Variants in CEP41 observed in about 807,000 individuals in gnomAD.
The protein encoded by CEP41 is centrosomal protein of 41 kDa.
A neutral mutation model predicts 44.3 loss-of-function variants in CEP41; 32 were observed. The observed-to-expected ratio is 0.72, with a 90% CI of 0.54 to 0.97. CEP41 has a LOEUF of 0.97. CEP41 is among the 50% of genes least tolerant of loss of function. CEP41 has a pLI of 0.00. For synonymous variants in CEP41, 151 were observed against 168.5 expected (o/e 0.90, Z 0.80); for missense variants, 432 against 455.2 (o/e 0.95, Z 0.46).
intron 1 of CEP41, among the ~76,000 whole-genome samples, chr7:130,428,840 G>C (rs1797741364): frequency 6.6e-6 from 1 of 151,720 alleles, no homozygotes; most frequent in Admixed American, 6.6e-5. Flanking sequence ...GACCCCAGGA[G>C]GCGGAGGTTG....
Position 130,416,909 on chromosome 7 carries a change from T to C in CEP41, c.145+10A>G. The C allele has an allele frequency of 6.3e-7, 1 of 1,578,882 alleles. No homozygotes were observed. ...TTCCACTCTCCCAAACCATCAAGAG[T>C]GTTACTTACTTTTCTTAATCTCTTC... is the stretch of plus-strand genomic sequence containing the variant. On this transcript the variant is annotated intron_variant, in intron 3 of 10. Transcript: ENST00000223208.
chr7:130,429,551 A>G (rs1425881442), intron 1 of CEP41, among the ~76,000 whole-genome samples: 8 of 152,180 alleles, frequency 5.3e-5, no homozygotes, highest in African/African-American at 1.9e-4. Context: ...TGGAACATGA[A>G]ATTACTGCAA....
At chr7:130,420,179 A>C in intron 2 of CEP41, 4 of 463,134 alleles carry the variant, frequency 8.6e-6, no homozygotes, top group Non-Finnish European at 1.1e-5. Flanking sequence ...CATACACAAA[A>C]ACTAGCCAGG....
At chr7:130,399,887 G>T in intron 10 of CEP41, 152 bp downstream of exon 10, 1 of 703,586 alleles carries the variant, frequency 1.4e-6, no homozygotes. Flanking sequence ...CCACTATCTG[G>T]GGTCACCTCC....
intron 2 of CEP41, 136 bp downstream of exon 2, chr7:130,427,819 T>G: frequency 1.5e-6 from 1 of 648,610 alleles, no homozygotes; most frequent in Non-Finnish European, 2.7e-6. Context: ...CAAGGATAAA[T>G]CCTGAGCCGA....
At position 130,395,414 on chromosome 7, in the gene CEP41, TA is replaced by T; in HGVS notation, c.*3476del. 2.2e-6 allele frequency: 1 copy of T among 453,720 alleles called. No homozygotes were observed. Among genetic ancestry groups the T allele is most frequent in the South Asian group, 1.6e-5 (1 of 64,454 alleles). 28.1% of individuals were successfully genotyped at this position (453,720 alleles called of 1,614,324 possible). On this transcript the variant is annotated 3_prime_UTR_variant, in exon 11 of 11. Coordinates refer to ENST00000223208, the MANE Select transcript of CEP41 (RefSeq NM_018718.3). ...ATCTTTGAAAGAATTGGGAAGAAAATAAACACACATTAAAGACACTGAGAAC... is the reference window on the plus strand; with the variant it reads ...ATCTTTGAAAGAATTGGGAAGAAAATAACACACATTAAAGACACTGAGAAC...
chr7:130,398,242 G>A lies in CEP41; in HGVS notation c.*649C>T, dbSNP rs1554415693. On this transcript the variant is annotated 3_prime_UTR_variant, in exon 11 of 11. Transcript: ENST00000223208. ...TGGCTCCAGGAAATATCTAGTAAGG[G>A]GGAGCATTCAGTGAGTGTACAGCTA... The A allele has an allele frequency of 4.4e-6, 2 of 453,988 alleles. No homozygotes were observed. The highest frequency in any genetic ancestry group is 4.0e-5 in the African/African-American group (2 of 49,994). The allele number at this position is 453,988 out of a possible 1,614,324, so 28.1% of individuals were successfully genotyped here. A position where few individuals can be genotyped will look rare whatever the true frequency, so the allele number is the denominator to read the frequency against.
intron 1 of CEP41, among the ~76,000 whole-genome samples, chr7:130,428,492 A>G (rs1797733076): frequency 1.3e-5 from 2 of 150,228 alleles, no homozygotes; most frequent in Non-Finnish European, 1.5e-5. Flanking sequence ...TCTTTTCAAT[A>G]TAGGATTCTT....
At chr7:130,440,377 C>T (rs1798111335) in intron 1 of CEP41, among the ~76,000 whole-genome samples, 1 of 152,226 alleles carries the variant, frequency 6.6e-6, no homozygotes, top group Non-Finnish European at 1.5e-5. Context: ...CTAGCACCTA[C>T]TGCACCGTGG....
intron 1 of CEP41, among the ~76,000 whole-genome samples, chr7:130,437,273 T>A (rs1797994185): frequency 6.6e-6 from 1 of 151,732 alleles, no homozygotes; most frequent in Admixed American, 6.6e-5. Flanking sequence ...AGAGAGAAAG[T>A]TAAGAAAATT....
At chr7:130,399,493 A>G (rs1554416337) in intron 10 of CEP41, 1 of 226,816 alleles carries the variant, frequency 4.4e-6, no homozygotes, top group African/African-American at 2.3e-5. Context: ...TAACTCCTCA[A>G]TTTTACCTGA....
chr7:130,431,089 T>C (rs1159506142), intron 1 of CEP41, among the ~76,000 whole-genome samples: 1 of 152,010 alleles, frequency 6.6e-6, no homozygotes, highest in East Asian at 1.9e-4. Context: ...TGCAGTCCAA[T>C]TTCTTGTTCC....
At chr7:130,406,570 C>G (rs1455905378) in intron 5 of CEP41, among the ~76,000 whole-genome samples, 1 of 151,866 alleles carries the variant, frequency 6.6e-6, no homozygotes, top group Admixed American at 6.6e-5. Flanking sequence ...GGCAACAGAG[C>G]AGGACTCCAT....
chr7:130,427,114 C>A, intron 2 of CEP41: 1 of 155,262 alleles, frequency 6.4e-6, no homozygotes, highest in Non-Finnish European at 1.4e-5. Flanking sequence ...ACAAAATAAA[C>A]AAAATGATTT....
At chr7:130,411,826 G>T (rs1321047502) in intron 4 of CEP41, among the ~76,000 whole-genome samples, 1 of 152,162 alleles carries the variant, frequency 6.6e-6, no homozygotes, top group Non-Finnish European at 1.5e-5. Context: ...AAGAAAAGGG[G>T]AAATCACTTG....
rs1456437127 is a variant in CEP41 at position 130,400,270 on chromosome 7, C to T, written c.758-16G>A. ...ACTTTTAGACCTAGGTTTGGAAAATCATCAGAAAAAGCTGCATTAATATGG... is the reference window on the plus strand; with the variant it reads ...ACTTTTAGACCTAGGTTTGGAAAATTATCAGAAAAAGCTGCATTAATATGG... On this transcript the variant is annotated splice_polypyrimidine_tract_variant and intron_variant, in intron 9 of 10. Coordinates refer to ENST00000223208, the MANE Select transcript of CEP41 (RefSeq NM_018718.3). 23 of 1,594,494 alleles carry T rather than the reference C, an allele frequency of 1.4e-5. No homozygotes were observed. The highest frequency in any genetic ancestry group is 2.0e-5 in the Non-Finnish European group (23 of 1,162,534).
In CEP41 at chr7:130,402,938, G is replaced by C. The variant is rs764765772; in HGVS notation, c.423-139C>G. ...TCAAAGGCAAAGGAAAATGGACGTG[G>C]TGTCTCAGTTCTGCCTCTGAATGCA... On this transcript the variant is annotated intron_variant, in intron 6 of 10. Coordinates refer to ENST00000223208, the MANE Select transcript of CEP41 (RefSeq NM_018718.3). 1.6e-5 allele frequency: 14 copies of C among 889,358 alleles called. 1 individual carries two copies. The South Asian group carries it at 1.6e-4, about 10-fold the overall frequency. The allele number at this position is 889,358 out of a possible 1,614,324, so 55.1% of individuals were successfully genotyped here.
chr7:130,400,877 G>A (rs1562977523), intron 8 of CEP41, 56 bp from the exon 9 acceptor site: 21 of 1,130,470 alleles, frequency 1.9e-5, no homozygotes, highest in South Asian at 6.5e-5. Flanking sequence ...CCAAGACTAC[G>A]AGAAACCCCC....
At chr7:130,399,864 T>C (rs1437503227) in intron 10 of CEP41, 175 bp downstream of exon 10, 1 of 625,080 alleles carries the variant, frequency 1.6e-6, no homozygotes, top group East Asian at 2.8e-5. Context: ...CTCTCTTCAA[T>C]GCGTAATTCT....
Sources: gnomAD v4.1 joint callset for allele counts (sites outside exome capture counted in the v4.1 genomes callset) on GRCh38, gnomAD v4.1.1 for gene constraint, MANE v1.5 for transcripts, NCBI Gene and HGNC (gene_info 2026-07-23, HGNC 2026-07-21) for gene names.